Variants in PTPRR observed in about 807,000 individuals in gnomAD.
The protein encoded by PTPRR is receptor-type tyrosine-protein phosphatase R.
A neutral mutation model predicts 77.2 loss-of-function variants in PTPRR; 38 were observed. The ratio of observed to expected loss-of-function variants is 0.49; its 90% CI spans 0.38 to 0.65. The LOEUF is 0.65. PTPRR is among the 30% of genes least tolerant of loss of function. PTPRR has a pLI of 0.00. For missense variants in PTPRR, 744 were observed against 799.2 expected, an observed-to-expected ratio of 0.93 and a Z score of 0.83; for synonymous variants, 299 against 283.1, an observed-to-expected ratio of 1.06 and a Z score of -0.57.
chr12:70,779,035 A>C (rs1038192907), intron 2 of PTPRR, among the ~76,000 whole-genome samples: 10 of 152,088 alleles, frequency 6.6e-5, no homozygotes, highest in African/African-American at 2.4e-4. Flanking sequence ...TTTAGTAGAG[A>C]CAGGGTTTCA....
rs374866941 is a variant in PTPRR, at chr12:70,684,142, G to C, written c.1482C>G (p.Leu494=). ...DSPVIVMITK[L]KEKNEKCVLY... is the part of the protein sequence containing the mutation. The stretch of plus-strand genomic sequence containing the variant: ...AAGATCATACCTCATTTTTTTCTTT[G>C]AGTTTTGTGATCATAACAATCACAG... Residue 494 remains leucine (L), a synonymous_variant, in exon 10 of 14, where the codon CTC becomes CTG. Coordinates refer to ENST00000283228, the MANE Select transcript of PTPRR (RefSeq NM_002849.4). The C allele has an allele frequency of 4.4e-6, 7 of 1,608,304 alleles. No individual in the cohort carries two copies. The African/African-American group carries it at 9.4e-5, about 22-fold the overall frequency.
intron 6 of PTPRR, among the ~76,000 whole-genome samples, chr12:70,719,762 G>T (rs917377432): frequency 6.6e-6 from 1 of 152,174 alleles, no homozygotes; most frequent in Middle Eastern, 3.2e-3. Flanking sequence ...GTCTTCTCTG[G>T]ATGCCATTAA....
chr12:70,678,817 G>A (rs1259407741), intron 10 of PTPRR, among the ~76,000 whole-genome samples: 1 of 152,026 alleles, frequency 6.6e-6, no homozygotes, highest in Non-Finnish European at 1.5e-5. Flanking sequence ...GAGTACCTGA[G>A]ATTACAGGTG....
At chr12:70,761,840 ACCC>A (rs1197257497) in intron 3 of PTPRR, among the ~76,000 whole-genome samples, 2 of 152,062 alleles carry the variant, frequency 1.3e-5, no homozygotes, top group Non-Finnish European at 2.9e-5. Context: ...ATTAGTTGCC[ACCC>A]CCCAAGATTT....
intron 13 of PTPRR, among the ~76,000 whole-genome samples, chr12:70,651,338 C>G (rs929386484): frequency 6.6e-6 from 1 of 152,226 alleles, no homozygotes; most frequent in African/African-American, 2.4e-5. Context: ...GTTATGCCAT[C>G]TCCCATCTCC....
intron 2 of PTPRR, among the ~76,000 whole-genome samples, chr12:70,878,043 C>T (rs1469220124): frequency 6.6e-6 from 1 of 152,036 alleles, no homozygotes; most frequent in Non-Finnish European, 1.5e-5. Context: ...AACTGGCTAG[C>T]CATATGTAGA....
At chr12:70,655,484 G>A (rs373127634) in intron 13 of PTPRR, among the ~76,000 whole-genome samples, 8 of 152,186 alleles carry the variant, frequency 5.3e-5, no homozygotes, top group Non-Finnish European at 2.9e-5. Flanking sequence ...TCAAAATATG[G>A]AAGCAACTGA....
rs1889401199 is a variant in PTPRR at position 70,725,525 on chromosome 12, C to CT, written c.1007+20292dup. Among the ~76,000 whole-genome samples the CT allele has an allele frequency of 2.0e-5, 3 of 152,208 alleles. No individual in the cohort carries two copies. In the South Asian group the frequency reaches 6.2e-4, roughly 32 times the overall value. On this transcript the variant is annotated intron_variant, in intron 6 of 13. Coordinates refer to ENST00000283228, the MANE Select transcript of PTPRR (RefSeq NM_002849.4). ...CTCCCCAATGTATTAAGTTCTTGTA[C>CT]TTCTGTCAGCAAAGAATTTAGCACA...
chr12:70,682,465 A>G (rs1045085415), intron 10 of PTPRR, among the ~76,000 whole-genome samples: 1 of 152,172 alleles, frequency 6.6e-6, no homozygotes, highest in Non-Finnish European at 1.5e-5. Context: ...TACCATTACA[A>G]TATGTTTAAT....
chr12:70,888,537 C>A (rs1337659295), intron 2 of PTPRR, among the ~76,000 whole-genome samples: 2 of 152,118 alleles, frequency 1.3e-5, no homozygotes, highest in East Asian at 1.9e-4. Context: ...TTATATGCAT[C>A]CCATCTAGGA....
intron 2 of PTPRR, among the ~76,000 whole-genome samples, chr12:70,775,576 G>A (rs1209217351): frequency 6.6e-6 from 1 of 152,134 alleles, no homozygotes; most frequent in Non-Finnish European, 1.5e-5. Context: ...CTTTCATTTG[G>A]TCATACCCAG....
intron 2 of PTPRR, among the ~76,000 whole-genome samples, chr12:70,856,835 G>A (rs1278003822): frequency 1.3e-5 from 2 of 151,624 alleles, no homozygotes; most frequent in Admixed American, 1.3e-4. Flanking sequence ...GGAGTGGAGT[G>A]GGGGAGAGAG....
At chr12:70,784,460 TGTGGCCCGGGAGCTCAGG>T (rs1891278078) in intron 2 of PTPRR, among the ~76,000 whole-genome samples, 1 of 152,152 alleles carries the variant, frequency 6.6e-6, no homozygotes, top group Non-Finnish European at 1.5e-5. Context: ...GAGCTCCCCC[TGTGGCCCGGGAGCTCAGG>T]GGCTAGCCAG....
intron 6 of PTPRR, among the ~76,000 whole-genome samples, chr12:70,726,002 CATAG>C (rs1889421524): frequency 6.6e-6 from 1 of 151,812 alleles, no homozygotes; most frequent in South Asian, 2.1e-4. Context: ...ATGTACACAT[CATAG>C]ATAGATGATG....
chr12:70,670,032 A>G (rs1887161064), intron 10 of PTPRR, among the ~76,000 whole-genome samples: 1 of 152,212 alleles, frequency 6.6e-6, no homozygotes, highest in Admixed American at 6.5e-5. Flanking sequence ...AGAAGGAAAA[A>G]GTTAATATAT....
chr12:70,864,051 T>C (rs566821304), intron 2 of PTPRR, among the ~76,000 whole-genome samples: 7 of 152,302 alleles, frequency 4.6e-5, no homozygotes, highest in African/African-American at 1.2e-4. Context: ...AAGGGTAATT[T>C]TGTAGACATC....
chr12:70,726,864 G>A (rs532684518), intron 6 of PTPRR, among the ~76,000 whole-genome samples: 1 of 152,216 alleles, frequency 6.6e-6, no homozygotes, highest in African/African-American at 2.4e-5. Context: ...TTACAGGCAT[G>A]AGCCACCACG....
chr12:70,833,486 A>G (rs1892250640), intron 2 of PTPRR, among the ~76,000 whole-genome samples: 1 of 152,024 alleles, frequency 6.6e-6, no homozygotes, highest in South Asian at 2.1e-4. Context: ...GTGAGCTTGA[A>G]CTCATGGGAG....
At chr12:70,687,756 G>C (rs1368548086) in intron 8 of PTPRR, among the ~76,000 whole-genome samples, 1 of 152,152 alleles carries the variant, frequency 6.6e-6, no homozygotes, top group African/African-American at 2.4e-5. Context: ...CTGTGAACAA[G>C]GAATTGTGGT....
Sources: allele counts gnomAD v4.1 joint callset (sites outside exome capture counted in the v4.1 genomes callset), GRCh38; gene constraint gnomAD v4.1.1; transcripts MANE v1.5; gene names NCBI Gene and HGNC (gene_info 2026-07-23, HGNC 2026-07-21).